Variants in SLC39A12 observed in about 807,000 individuals in gnomAD.
The protein encoded by SLC39A12 is zinc transporter ZIP12.
A neutral mutation model predicts 71.1 loss-of-function variants in SLC39A12; 63 were observed. The observed-to-expected ratio is 0.89, with a 90% CI of 0.72 to 1.09. SLC39A12 has a LOEUF of 1.09. Among genes scored for constraint, SLC39A12 ranks in the 50% least tolerant of loss-of-function variants. The pLI is 0.00. For synonymous variants in SLC39A12, 351 were observed against 301.3 expected (o/e 1.16, Z -1.71); for missense variants, 892 against 812.6 (o/e 1.10, Z -1.19).
chr10:17,971,620 C>T (rs746924220), intron 4 of SLC39A12, among the ~76,000 whole-genome samples: 8 of 151,840 alleles, frequency 5.3e-5, no homozygotes, highest in African/African-American at 9.7e-5. Flanking sequence ...AATTTATTGG[C>T]GTATGGTTAC....
chr10:18,034,685 T>C (rs937815963), intron 12 of SLC39A12, among the ~76,000 whole-genome samples: 5 of 151,938 alleles, frequency 3.3e-5, no homozygotes, highest in African/African-American at 1.2e-4. Context: ...TTTGATCCTG[T>C]CATTATGATG....
chr10:18,027,218 T>C (rs1016284638), intron 12 of SLC39A12, among the ~76,000 whole-genome samples: 2 of 152,208 alleles, frequency 1.3e-5, no homozygotes, highest in Admixed American at 6.5e-5. Context: ...CTTGTGCCCT[T>C]GGACTATGAA....
intron 12 of SLC39A12, among the ~76,000 whole-genome samples, chr10:18,025,696 G>T (rs1425209611): frequency 1.3e-5 from 2 of 152,072 alleles, no homozygotes; most frequent in African/African-American, 4.8e-5. Context: ...GTAAACATAC[G>T]TGTGCATGTG....
chr10:18,030,598 T>A (rs182431063), intron 12 of SLC39A12, among the ~76,000 whole-genome samples: 212 of 142,820 alleles, frequency 1.5e-3, no homozygotes, highest in Non-Finnish European at 2.7e-3. Context: ...TGTGATATAT[T>A]TTTATTTTAT....
At chr10:17,952,200 CTGT>C (rs1290699368) in intron 1 of SLC39A12, among the ~76,000 whole-genome samples, 175 bp downstream of exon 1, 1 of 152,166 alleles carries the variant, frequency 6.6e-6, no homozygotes, top group Non-Finnish European at 1.5e-5. Context: ...ACATGAGATG[CTGT>C]TAACATTTTA....
chr10:18,042,971 A>T lies in SLC39A12; in HGVS notation c.*138A>T. ...GTCTCTTTCAATTCATTAACTTATT[A>T]ATTTTATAATGCAGTTTTATTTTTG... On this transcript the variant is annotated 3_prime_UTR_variant, in exon 13 of 13. Coordinates refer to ENST00000377369, the MANE Select transcript of SLC39A12 (RefSeq NM_001145195.2). 1 of 603,460 alleles carries T rather than the reference A, an allele frequency of 1.7e-6. No homozygotes were observed. Among genetic ancestry groups the T allele is most frequent in the Non-Finnish European group, 2.5e-6 (1 of 406,058 alleles). The allele number at this position is 603,460 out of a possible 1,614,324, so 37.4% of individuals were successfully genotyped here.
intron 12 of SLC39A12, among the ~76,000 whole-genome samples, chr10:18,036,769 TATATATATATATATATATA>T (rs745644204): frequency 0.39 from 30,754 of 79,262 alleles, 6,452 homozygotes; most frequent in East Asian, 0.5. Context: ...TATATATATA[TATATATATATATATATATA>T]TATATATTTT....
chr10:17,991,200 A>T lies in SLC39A12; in HGVS notation c.1319A>T (p.Glu440Val). ...GCCCCAGAATTTGGGCATTTCCATG[A>T]AAGCAAAGGTCATATTTGGAAACTG... is the stretch of plus-strand genomic sequence containing the variant. ...QEAPEFGHFH[E>V]SKGHIWKLMG... The change falls in exon 8 of 13, where the codon GAA becomes GTA. Residue 440 changes from glutamate to valine, a missense_variant. Physicochemically the swap from Glu to Val is moderately radical, Grantham distance 121. Coordinates refer to ENST00000377369, the MANE Select transcript of SLC39A12 (RefSeq NM_001145195.2). The T allele has an allele frequency of 1.3e-6, 2 of 1,588,082 alleles. No individual in the cohort carries two copies. The highest frequency in any genetic ancestry group is 2.4e-5 in the South Asian group (2 of 83,836).
intron 5 of SLC39A12, among the ~76,000 whole-genome samples, chr10:17,980,540 G>T (rs762934608): frequency 1.4e-4 from 21 of 151,728 alleles, no homozygotes; most frequent in Non-Finnish European, 2.5e-4. Flanking sequence ...AATTTTTGAA[G>T]TACACAACGT....
chr10:17,958,233 A>C (rs4748429), intron 2 of SLC39A12, among the ~76,000 whole-genome samples: 1 of 151,922 alleles, frequency 6.6e-6, no homozygotes, highest in East Asian at 1.9e-4. Context: ...GGGTTGAAAT[A>C]TGGTCACATG....
At chr10:18,042,643 C>T in intron 12 of SLC39A12, 62 bp from the exon 13 acceptor site, 1 of 1,517,476 alleles carries the variant, frequency 6.6e-7, no homozygotes, top group Middle Eastern at 1.8e-4. Context: ...GTTTTCCCAC[C>T]AAGCTTTTCC....
At chr10:18,040,304 C>A (rs1364315375) in intron 12 of SLC39A12, among the ~76,000 whole-genome samples, 1 of 152,116 alleles carries the variant, frequency 6.6e-6, no homozygotes, top group East Asian at 1.9e-4. Flanking sequence ...TTAAAATGGT[C>A]CACCCAGGAG....
In SLC39A12 at chr10:17,987,483, C is replaced by T. The variant is rs549777540; in HGVS notation, c.1101C>T (p.Tyr367=). The change falls in exon 7 of 13, where the codon TAC becomes TAT. Residue 367 remains tyrosine, a synonymous_variant. Transcript: ENST00000377369. ...TTACGATCTCCTTTGACTTAGAATA[C>T]GGCTACAGCACGGTGGCTGTCACCC... The part of the protein sequence containing the change: ...AKLPPTTLEK[Y]GYSTVAVTLL... 65 of 1,613,566 alleles carry T rather than the reference C, an allele frequency of 4.0e-5. No homozygotes were observed. In the Middle Eastern group the frequency reaches 6.9e-4, roughly 17 times the overall value.
intron 8 of SLC39A12, among the ~76,000 whole-genome samples, chr10:17,991,720 G>C (rs1835552720): frequency 6.6e-6 from 1 of 152,112 alleles, no homozygotes; most frequent in Non-Finnish European, 1.5e-5. Context: ...AAGCGTCTTA[G>C]GAATTTTGAA....
intron 2 of SLC39A12, among the ~76,000 whole-genome samples, chr10:17,958,835 A>G (rs1290005164): frequency 2.0e-5 from 3 of 152,206 alleles, no homozygotes; most frequent in Non-Finnish European, 4.4e-5. Context: ...GCTTTATATT[A>G]TAAAAATCAA....
intron 12 of SLC39A12, among the ~76,000 whole-genome samples, chr10:18,007,674 C>T (rs2094081931): frequency 6.6e-6 from 1 of 152,184 alleles, no homozygotes; most frequent in African/African-American, 2.4e-5. Context: ...TTCATTCCCC[C>T]CCCTTTTTAG....
intron 7 of SLC39A12, among the ~76,000 whole-genome samples, chr10:17,990,479 G>A (rs532168725): frequency 6.6e-6 from 1 of 152,186 alleles, no homozygotes; most frequent in South Asian, 2.1e-4. Flanking sequence ...CCTTCTCTAA[G>A]AGAAGGGATA....
chr10:17,963,919 C>A (rs1350723751), intron 3 of SLC39A12, among the ~76,000 whole-genome samples: 1 of 152,286 alleles, frequency 6.6e-6, no homozygotes, highest in East Asian at 1.9e-4. Flanking sequence ...AACATCTCTC[C>A]CTTCCTTCAA....
At chr10:18,026,521 A>G (rs1001466915) in intron 12 of SLC39A12, among the ~76,000 whole-genome samples, 7 of 152,100 alleles carry the variant, frequency 4.6e-5, no homozygotes, top group Non-Finnish European at 7.4e-5. Flanking sequence ...TTTTTAAAGC[A>G]TATCTCTTGC....
Sources: gnomAD v4.1 joint callset for allele counts (sites outside exome capture counted in the v4.1 genomes callset) on GRCh38, gnomAD v4.1.1 for gene constraint, MANE v1.5 for transcripts, NCBI Gene and HGNC (gene_info 2026-07-23, HGNC 2026-07-21) for gene names.